LRRK2: variants seen among roughly 807,000 people sequenced by gnomAD.
LRRK2 encodes the protein leucine-rich repeat serine/threonine-protein kinase 2.
A neutral mutation model predicts 302.6 loss-of-function variants in LRRK2; 203 were observed. The observed-to-expected ratio is 0.67, with a 90% CI of 0.60 to 0.75. The LOEUF is 0.75. Among genes scored for constraint, LRRK2 ranks in the 30% least tolerant of loss-of-function variants. The pLI, the probability that LRRK2 is intolerant of heterozygous loss-of-function variation, is 0.00. For synonymous variants in LRRK2, 1,066 were observed against 1,031.9 expected (o/e 1.03, Z -0.63); for missense variants, 2,830 against 2,951.0 (o/e 0.96, Z 0.95).
intron 21 of LRRK2, 119 bp downstream of exon 21, chr12:40,293,782 T>G (rs996929100): frequency 5.9e-6 from 4 of 677,332 alleles, no homozygotes; most frequent in African/African-American, 5.5e-5. Flanking sequence ...GTATGAAAAC[T>G]ATAATTTTGA....
chr12:40,260,733 G>A (rs140379003), intron 13 of LRRK2, among the ~76,000 whole-genome samples: 1 of 152,210 alleles, frequency 6.6e-6, no homozygotes, highest in African/African-American at 2.4e-5. Context: ...TTGGGTTGGA[G>A]GTCCATGGTA....
At chr12:40,322,599 T>C in intron 37 of LRRK2, 89 bp downstream of exon 37, 2 of 1,193,436 alleles carry the variant, frequency 1.7e-6, no homozygotes, top group Non-Finnish European at 2.4e-6. Context: ...TTCTTATCCA[T>C]AAGGGATGAG....
chr12:40,366,388 C>A (rs896894362), intron 49 of LRRK2: 1 of 151,904 alleles, frequency 6.6e-6, no homozygotes, highest in East Asian at 1.9e-4. Flanking sequence ...AGCTTTCTTG[C>A]ATAGTTTTGA....
At chr12:40,362,405 T>C (rs11176195) in intron 47 of LRRK2, among the ~76,000 whole-genome samples, 9,741 of 152,166 alleles carry the variant, frequency 0.064, 429 homozygotes, top group Admixed American at 0.13. Context: ...TCATTCATAC[T>C]GTAGTGCCTT....
intron 33 of LRRK2, among the ~76,000 whole-genome samples, chr12:40,318,069 G>C (rs1416356593): frequency 1.3e-5 from 2 of 152,020 alleles, no homozygotes; most frequent in Non-Finnish European, 2.9e-5. Flanking sequence ...GTGGCACGGT[G>C]ATCACAGAAT....
intron 44 of LRRK2, among the ~76,000 whole-genome samples, chr12:40,353,846 T>C (rs1053415153): frequency 1.3e-5 from 2 of 152,192 alleles, no homozygotes; most frequent in African/African-American, 4.8e-5. Flanking sequence ...CAGTCAGGCG[T>C]GGCGGCGCAC....
chr12:40,237,858 G>C (rs375027115), intron 4 of LRRK2, 111 bp from the exon 5 acceptor site: 10 of 1,128,790 alleles, frequency 8.9e-6, no homozygotes, highest in Middle Eastern at 3.0e-4. Context: ...AGAAAACCAT[G>C]GGTCTACAAA....
chr12:40,328,314 C>A (rs17491368), intron 38 of LRRK2, 46 bp from the exon 39 acceptor site: 1 of 1,461,486 alleles, frequency 6.8e-7, no homozygotes, highest in Non-Finnish European at 9.6e-7. Flanking sequence ...TAGTTTTTTT[C>A]GCTTGGACAG....
At chr12:40,337,495 A>G (rs1945908720) in intron 40 of LRRK2, among the ~76,000 whole-genome samples, 1 of 152,152 alleles carries the variant, frequency 6.6e-6, no homozygotes, top group African/African-American at 2.4e-5. Context: ...TTTCTGTTAT[A>G]TCCCACAGTT....
intron 23 of LRRK2, among the ~76,000 whole-genome samples, chr12:40,298,016 A>G (rs1273665275): frequency 6.6e-6 from 1 of 151,944 alleles, no homozygotes; most frequent in Non-Finnish European, 1.5e-5. Flanking sequence ...ATTTTTGTGA[A>G]CCTGCTTTTT....
At chr12:40,285,812 A>G (rs1943904579) in intron 19 of LRRK2, among the ~76,000 whole-genome samples, 1 of 151,948 alleles carries the variant, frequency 6.6e-6, no homozygotes, top group Non-Finnish European at 1.5e-5. Flanking sequence ...CTCCGTGGCA[A>G]AAAAAAGGGC....
In LRRK2 at chr12:40,322,470, A is replaced by C; in HGVS notation, c.5469A>C (p.Gln1823His). 1 of 1,613,404 alleles carries C rather than the reference A, an allele frequency of 6.2e-7. No homozygotes were observed. The highest frequency in any genetic ancestry group is 8.5e-7 in the Non-Finnish European group (1 of 1,179,440). The change falls in exon 37 of 51, where the codon CAA (glutamine) becomes CAC (histidine). Residue 1823 changes from glutamine to histidine, a missense_variant. Gln to His is a conservative substitution (Grantham distance 24). Coordinates refer to ENST00000298910, the MANE Select transcript of LRRK2 (RefSeq NM_198578.4). ...GTTTTAATGATGGTGAAGAACATCA[A>C]AAAATCTTACTTGATGACTTGATGA... is the stretch of plus-strand genomic sequence containing the variant. The part of the protein sequence containing the change: ...LYSFNDGEEH[Q>H]KILLDDLMKK...
intron 12 of LRRK2, 58 bp downstream of exon 12, chr12:40,257,435 AATATTTCAAGC>A (rs746975756): frequency 1.9e-6 from 3 of 1,557,490 alleles, no homozygotes; most frequent in Middle Eastern, 1.7e-4. Context: ...GTAGAATATC[AATATTTCAAGC>A]ATATTTCTAA....
At chr12:40,337,821 T>C (rs922793600) in intron 40 of LRRK2, among the ~76,000 whole-genome samples, 7 of 152,186 alleles carry the variant, frequency 4.6e-5, no homozygotes, top group African/African-American at 1.7e-4. Flanking sequence ...GCCACCCCAC[T>C]GCCCACACTG....
intron 25 of LRRK2, among the ~76,000 whole-genome samples, chr12:40,302,460 C>T (rs1944667070): frequency 6.6e-6 from 1 of 151,964 alleles, no homozygotes; most frequent in Admixed American, 6.6e-5. Context: ...TCTAGTTAAT[C>T]TATATGGTAT....
At chr12:40,235,793 GTT>G (rs36024911) in intron 4 of LRRK2, 79 bp downstream of exon 4, 12,142 of 459,764 alleles carry the variant, frequency 0.026, 32 homozygotes, top group Non-Finnish European at 0.036. Context: ...GTGTGTGTGT[GTT>G]TTTTTTTTTT....
chr12:40,321,022 T>A lies in LRRK2; in HGVS notation c.5016-12T>A. 1 of 1,612,118 alleles carries A rather than the reference T, an allele frequency of 6.2e-7. No individual in the cohort carries two copies. The highest frequency in any genetic ancestry group is 1.1e-5 in the South Asian group (1 of 91,030). Reference sequence around the variant, plus strand: ...GTGAGGCTGTATAACCATAGTGTCCTTTTGCCTTTAGTTTGTCTGACCACA... The same window carrying A: ...GTGAGGCTGTATAACCATAGTGTCCATTTGCCTTTAGTTTGTCTGACCACA... On this transcript the variant is annotated splice_polypyrimidine_tract_variant and intron_variant, in intron 34 of 50. Transcript: ENST00000298910.
intron 31 of LRRK2, among the ~76,000 whole-genome samples, chr12:40,313,327 C>G (rs1945096914): frequency 6.6e-6 from 1 of 151,864 alleles, no homozygotes; most frequent in African/African-American, 2.4e-5. Context: ...TTATATATTT[C>G]TCATTTTGTT....
In LRRK2 at chr12:40,323,187, C is replaced by G; in HGVS notation, c.5537C>G (p.Pro1846Arg). The change falls in exon 38 of 51, where the codon CCA (proline) becomes CGA (arginine). Residue 1846 changes from proline to arginine, a missense_variant. Physicochemically the swap from Pro to Arg is moderately radical, Grantham distance 103. Coordinates refer to ENST00000298910, the MANE Select transcript of LRRK2 (RefSeq NM_198578.4). ...GATCTCTTAGTAAATCCAGATCAAC[C>G]AAGGCTCACCATTCCAATATCTCAG... Reference protein sequence around the residue: ...EGDLLVNPDQPRLTIPISQIA... With the variant: ...EGDLLVNPDQRRLTIPISQIA... The G allele has an allele frequency of 6.2e-7, 1 of 1,613,100 alleles. No individual in the cohort carries two copies. Among genetic ancestry groups the G allele is most frequent in the Non-Finnish European group, 8.5e-7 (1 of 1,179,342 alleles).
Sources: gnomAD v4.1 joint callset for allele counts (sites outside exome capture counted in the v4.1 genomes callset) on GRCh38, gnomAD v4.1.1 for gene constraint, MANE v1.5 for transcripts, NCBI Gene and HGNC (gene_info 2026-07-23, HGNC 2026-07-21) for gene names.